Variants in PLAG1 observed in about 807,000 individuals in gnomAD.
The protein encoded by PLAG1 is zinc finger protein PLAG1.
In PLAG1, 7 loss-of-function variants were observed where a neutral mutation model predicts 35.5. That is an observed-to-expected ratio of 0.20 (90% CI 0.11 to 0.37). The LOEUF (loss-of-function observed/expected upper bound fraction) is 0.37, where lower values mean the gene tolerates loss of function less well. Among genes scored for constraint, PLAG1 ranks in the 10% least tolerant of loss-of-function variants. The pLI is 1.00. For synonymous variants in PLAG1, 229 were observed against 225.4 expected, an observed-to-expected ratio of 1.02 and a Z score of -0.14; for missense variants, 454 against 602.8, an observed-to-expected ratio of 0.75 and a Z score of 2.58.
At chr8:56,184,621 C>T (rs1273591312) in intron 1 of PLAG1, among the ~76,000 whole-genome samples, 4 of 152,204 alleles carry the variant, frequency 2.6e-5, no homozygotes, top group Non-Finnish European at 4.4e-5. Flanking sequence ...AGGTTTTAGC[C>T]GGGCACGGTA....
At chr8:56,206,700 C>T (rs1387427064) in intron 1 of PLAG1, among the ~76,000 whole-genome samples, 2 of 151,998 alleles carry the variant, frequency 1.3e-5, no homozygotes, top group African/African-American at 4.8e-5. Context: ...GTTAAATATG[C>T]TACCTATATT....
At chr8:56,201,931 T>C (rs1812564995) in intron 1 of PLAG1, among the ~76,000 whole-genome samples, 3 of 151,762 alleles carry the variant, frequency 2.0e-5, no homozygotes, top group African/African-American at 7.2e-5. Flanking sequence ...TTCTTTTTCT[T>C]TTAAACATAA....
At chr8:56,175,535 T>C (rs554685615) in intron 2 of PLAG1, among the ~76,000 whole-genome samples, 102 of 152,344 alleles carry the variant, frequency 6.7e-4, no homozygotes, top group African/African-American at 2.4e-3. Flanking sequence ...AAATTAGATG[T>C]CATAGTTAAC....
intron 3 of PLAG1, among the ~76,000 whole-genome samples, chr8:56,169,824 G>A (rs1214645060): frequency 2.6e-5 from 4 of 152,194 alleles, no homozygotes; most frequent in Non-Finnish European, 4.4e-5. Context: ...GATTATAGGC[G>A]TGAGCCGCCA....
chr8:56,177,414 C>T (rs1811733680), intron 2 of PLAG1, among the ~76,000 whole-genome samples: 1 of 152,176 alleles, frequency 6.6e-6, no homozygotes. Context: ...CCTCTGCCTC[C>T]AGAGGACCCC....
chr8:56,210,061 C>G (rs570759238), intron 1 of PLAG1, among the ~76,000 whole-genome samples: 12 of 152,152 alleles, frequency 7.9e-5, no homozygotes, highest in South Asian at 2.1e-4. Context: ...ACCACCTCCC[C>G]CCTCGCTCCC....
intron 1 of PLAG1, among the ~76,000 whole-genome samples, chr8:56,186,197 A>G (rs984285587): frequency 6.6e-6 from 1 of 152,184 alleles, no homozygotes; most frequent in Non-Finnish European, 1.5e-5. Context: ...TGTATAATTG[A>G]CAAATTATCT....
At chr8:56,191,741 A>G (rs1041163864) in intron 1 of PLAG1, among the ~76,000 whole-genome samples, 7 of 151,976 alleles carry the variant, frequency 4.6e-5, no homozygotes, top group Non-Finnish European at 1.0e-4. Context: ...CCACCTTAAC[A>G]GAACCTGTGG....
rs553547953 is a variant in PLAG1 at position 56,166,069 on chromosome 8, T to C, written c.*174A>G. The C allele has an allele frequency of 9.8e-6, 4 of 407,178 alleles. No individual in the cohort carries two copies. The highest frequency in any genetic ancestry group is 2.0e-5 in the African/African-American group (1 of 49,282). The allele number at this position is 407,178 out of a possible 1,614,324, so 25.2% of individuals were successfully genotyped here. A position where few individuals can be genotyped will look rare whatever the true frequency, so the allele number is the denominator to read the frequency against. On this transcript the variant is annotated 3_prime_UTR_variant, in exon 5 of 5. Transcript: ENST00000316981. ...CCAGGTAAACTTAACTGAACACAAA[T>C]GGTTCCAAAGCTCAGTTTAAAAGCT...
chr8:56,206,493 A>C (rs1377528021), intron 1 of PLAG1, among the ~76,000 whole-genome samples: 2 of 152,020 alleles, frequency 1.3e-5, no homozygotes, highest in Non-Finnish European at 2.9e-5. Context: ...GAGCATTTCA[A>C]AAAATTTAGG....
At position 56,166,851 on chromosome 8, in the gene PLAG1, G is replaced by C; in HGVS notation, c.895C>G (p.Gln299Glu). The C allele has an allele frequency of 6.2e-7, 1 of 1,614,092 alleles. No individual in the cohort carries two copies. Among genetic ancestry groups the C allele is most frequent in the Non-Finnish European group, 8.5e-7 (1 of 1,179,974 alleles). ...NLYNTPFQSM[Q>E]SSGSAHQMIT... ...ATTTGGTGGGCAGATCCCGAGCTCT[G>C]CATGGACTGAAATGGAGTGTTGTAG... The change falls in exon 5 of 5, where the codon CAG becomes GAG. Residue 299 changes from glutamine (Q) to glutamate (E), a missense_variant. By Grantham distance (29) the Gln-to-Glu change is conservative. Coordinates refer to ENST00000316981, the MANE Select transcript of PLAG1 (RefSeq NM_002655.3).
In PLAG1 at chr8:56,162,400, C is replaced by A; in HGVS notation, c.*3843G>T. On this transcript the variant is annotated 3_prime_UTR_variant, in exon 5 of 5. Coordinates refer to ENST00000316981, the MANE Select transcript of PLAG1 (RefSeq NM_002655.3). ...ACCATTGTAAAACCTTATGAAAAGACACACACTGATTCTGTGCAATATAGC... is the reference window on the plus strand; with the variant it reads ...ACCATTGTAAAACCTTATGAAAAGAAACACACTGATTCTGTGCAATATAGC... 1 of 223,380 alleles carries A rather than the reference C, an allele frequency of 4.5e-6. No homozygotes were observed. The allele number at this position is 223,380 out of a possible 1,614,324, so 13.8% of individuals were successfully genotyped here. A position where few individuals can be genotyped will look rare whatever the true frequency, so the allele number is the denominator to read the frequency against.
intron 1 of PLAG1, among the ~76,000 whole-genome samples, chr8:56,200,648 C>CTG (rs1231203945): frequency 6.6e-6 from 1 of 152,184 alleles, no homozygotes; most frequent in Non-Finnish European, 1.5e-5. Flanking sequence ...GGCTCCTGAA[C>CTG]TGTACCCTTG....
In PLAG1 at chr8:56,188,989, TC is replaced by T. The variant is rs370690773; in HGVS notation, c.-321-9477del. On this transcript the variant is annotated intron_variant, in intron 1 of 4. Coordinates refer to ENST00000316981, the MANE Select transcript of PLAG1 (RefSeq NM_002655.3). ...ACTCTTGGTTCTGTCTGCAATATCTTCCACTGGGTCCCAGTGAAGGCCACAA... is the reference window on the plus strand; with the variant it reads ...ACTCTTGGTTCTGTCTGCAATATCTTCACTGGGTCCCAGTGAAGGCCACAA... Among the ~76,000 whole-genome samples the T allele has an allele frequency of 1.4e-4, 21 of 152,280 alleles. No individual in the cohort carries two copies. In the East Asian group the frequency reaches 3.1e-3, roughly 22 times the overall value.
At chr8:56,168,473 A>G in intron 3 of PLAG1, 87 bp from the exon 4 acceptor site, 1 of 504,232 alleles carries the variant, frequency 2.0e-6, no homozygotes. Flanking sequence ...TTGAATTAAA[A>G]AAGAAACCAA....
In PLAG1 at chr8:56,167,172, G is replaced by A; in HGVS notation, c.574C>T (p.Arg192Cys). ...EKKHQCEHCD[R>C]RFYTRKDVRR... ...ACATCCTTTCGGGTGTAGAACCGGC[G>A]ATCACAATGTTCGCACTGGTGCTTT... The change falls in exon 5 of 5, where the codon CGC becomes TGC. Residue 192 changes from arginine (R) to cysteine (C), a missense_variant. Coordinates refer to ENST00000316981, the MANE Select transcript of PLAG1 (RefSeq NM_002655.3). This position sits in a 1 kb window ranked among gnomAD's most constrained non-coding sequence, Gnocchi z 5.9. 1 of 1,613,508 alleles carries A rather than the reference G, an allele frequency of 6.2e-7. No homozygotes were observed.
intron 1 of PLAG1, among the ~76,000 whole-genome samples, chr8:56,190,076 A>G (rs940227937): frequency 4.6e-5 from 7 of 152,202 alleles, no homozygotes; most frequent in Non-Finnish European, 7.3e-5. Flanking sequence ...CCTTGGGTAA[A>G]TGACTTATCT....
chr8:56,200,431 G>A (rs1042872709), intron 1 of PLAG1, among the ~76,000 whole-genome samples: 4 of 152,200 alleles, frequency 2.6e-5, no homozygotes, highest in East Asian at 1.9e-4. Context: ...AGCGGGCCCC[G>A]CTTCCAATGT....
chr8:56,168,868 C>T (rs780336475), intron 3 of PLAG1, among the ~76,000 whole-genome samples: 5 of 152,108 alleles, frequency 3.3e-5, no homozygotes, highest in Non-Finnish European at 5.9e-5. Context: ...TTTTAGGCAC[C>T]TTGTGAACCA....
Sources: allele counts gnomAD v4.1 joint callset (sites outside exome capture counted in the v4.1 genomes callset), GRCh38; gene constraint gnomAD v4.1.1; non-coding constraint Gnocchi (gnomAD v3.1); transcripts MANE v1.5; gene names NCBI Gene and HGNC (gene_info 2026-07-23, HGNC 2026-07-21).